Variants in SRGAP2 observed in about 807,000 individuals in gnomAD.
The protein encoded by SRGAP2 is SLIT-ROBO Rho GTPase-activating protein 2.
SRGAP2 carries 15 observed loss-of-function variants against 57.2 expected under a neutral mutation model. The observed-to-expected ratio is 0.26, with a 90% CI of 0.18 to 0.40. The LOEUF is 0.40. SRGAP2 is among the 10% of genes least tolerant of loss of function. SRGAP2 has a pLI of 1.00. For missense variants in SRGAP2, 520 were observed against 669.6 expected, an observed-to-expected ratio of 0.78 and a Z score of 2.47; for synonymous variants, 249 against 248.0, an observed-to-expected ratio of 1.00 and a Z score of -0.04.
At chr1:206,402,917 CAT>C (rs1455192270) in intron 8 of SRGAP2, among the ~76,000 whole-genome samples, 1 of 131,938 alleles carries the variant, frequency 7.6e-6, no homozygotes, top group African/African-American at 2.9e-5. Context: ...AAAACAGCAA[CAT>C]GTGTGCTCCT....
chr1:206,303,892 A>T (rs1553119447), intron 3 of SRGAP2, among the ~76,000 whole-genome samples: 3,655 of 120,262 alleles, frequency 0.03, 24 homozygotes, highest in African/African-American at 0.044. Context: ...TCTCTCTCAC[A>T]CACACACACA....
chr1:206,461,596 TCCCTTC>T lies in SRGAP2; in HGVS notation c.*179_*184del. 1 of 605,002 alleles carries T rather than the reference TCCCTTC, an allele frequency of 1.7e-6. No homozygotes were observed. Among genetic ancestry groups the T allele is most frequent in the South Asian group, 2.2e-5 (1 of 46,464 alleles). The allele number at this position is 605,002 out of a possible 1,614,324, so 37.5% of individuals were successfully genotyped here. ...AGAATGAAGCCCTTGGTATCGCCTC[TCCCTTC>T]CCACTGCCCTCTGCTTCCCCCAGTC... On this transcript the variant is annotated 3_prime_UTR_variant, in exon 23 of 23. Transcript: ENST00000573034.
At chr1:206,341,262 T>G (rs1675166840) in intron 3 of SRGAP2, among the ~76,000 whole-genome samples, 1 of 152,202 alleles carries the variant, frequency 6.6e-6, no homozygotes, top group South Asian at 2.1e-4. Flanking sequence ...CAAGCTACTC[T>G]CAACTCACTT....
intron 4 of SRGAP2, among the ~76,000 whole-genome samples, chr1:206,360,579 G>T (rs1344195080): frequency 6.6e-6 from 1 of 152,182 alleles, no homozygotes; most frequent in African/African-American, 2.4e-5. Flanking sequence ...GAGATGGTGA[G>T]AAGTGGTCAA....
Position 206,416,571 on chromosome 1 carries a change from C to G in SRGAP2, c.1441+598C>G, listed in dbSNP as rs149623131. ...TCTTGTCTCATAGAATGATTTTAAC[C>G]AGACCCTGGAAAGTAGCAAGGCAGA... On this transcript the variant is annotated intron_variant, in intron 11 of 22. Transcript: ENST00000573034. Among the ~76,000 whole-genome samples, 1,170 of 152,290 alleles carry G rather than the reference C, an allele frequency of 7.7e-3. 5 individuals carry two copies. The highest frequency in any genetic ancestry group is 0.01 in the Non-Finnish European group (714 of 68,032).
At chr1:206,259,816 C>A (rs1553313185) in intron 2 of SRGAP2, among the ~76,000 whole-genome samples, 1 of 136,290 alleles carries the variant, frequency 7.3e-6, no homozygotes, top group African/African-American at 2.7e-5. Context: ...ATTGTGGGTT[C>A]TTTTAACCCA....
chr1:206,357,361 TG>T (rs1676516741), intron 4 of SRGAP2, among the ~76,000 whole-genome samples: 1 of 151,144 alleles, frequency 6.6e-6, no homozygotes, highest in Non-Finnish European at 1.5e-5. Context: ...AACATTTTGA[TG>T]TATTTCCTTC....
chr1:206,454,068 T>C lies in SRGAP2; in HGVS notation c.2360+688T>C, dbSNP rs1663598495. On this transcript the variant is annotated intron_variant, in intron 20 of 22. Coordinates refer to ENST00000573034, the MANE Select transcript of SRGAP2 (RefSeq NM_015326.5). This position sits in a 1 kb window ranked among gnomAD's most constrained non-coding sequence, Gnocchi z 4.3. ...CTGCCCCCTGTCCGTTTGCCCTGTC[T>C]CTGTCCCCAGCTCCCCTCCCTTGGA... The C allele has an allele frequency of 1.4e-6, 1 of 701,008 alleles. No individual in the cohort carries two copies. Among genetic ancestry groups the C allele is most frequent in the Non-Finnish European group, 2.6e-6 (1 of 384,152 alleles). The allele number at this position is 701,008 out of a possible 1,614,324, so 43.4% of individuals were successfully genotyped here. A position where few individuals can be genotyped will look rare whatever the true frequency, so the allele number is the denominator to read the frequency against.
chr1:206,416,020 G>A (rs781885905), intron 11 of SRGAP2, 47 bp downstream of exon 11: 1 of 758,134 alleles, frequency 1.3e-6, no homozygotes. Flanking sequence ...GAGGCCAGCT[G>A]GAGCTTTCTT....
At chr1:206,415,434 G>A (rs1572094142) in intron 10 of SRGAP2, among the ~76,000 whole-genome samples, 1 of 152,198 alleles carries the variant, frequency 6.6e-6, no homozygotes, top group African/African-American at 2.4e-5. Flanking sequence ...GCTTGCAGCT[G>A]AGGCAGGGAC....
chr1:206,326,796 A>G (rs1486324705), intron 3 of SRGAP2, among the ~76,000 whole-genome samples: 1 of 152,214 alleles, frequency 6.6e-6, no homozygotes, highest in African/African-American at 2.4e-5. Context: ...TTAAAGTCTC[A>G]GCTGCATTAG....
At chr1:206,385,574 G>C (rs1205900752) in intron 5 of SRGAP2, among the ~76,000 whole-genome samples, 1 of 150,408 alleles carries the variant, frequency 6.6e-6, no homozygotes, top group African/African-American at 2.5e-5. Context: ...TCTTCAGTGG[G>C]ACTCAAGGCA....
At chr1:206,411,473 C>G (rs542241925) in intron 10 of SRGAP2, among the ~76,000 whole-genome samples, 1 of 152,262 alleles carries the variant, frequency 6.6e-6, no homozygotes, top group African/African-American at 2.4e-5. Flanking sequence ...GAGACATGCT[C>G]CATTTAAAGT....
rs782448749 is a variant in SRGAP2, at chr1:206,454,878, C to T, written c.2361C>T (p.Thr787=). 2.9e-5 allele frequency: 22 copies of T among 760,186 alleles called. No homozygotes were observed. Among genetic ancestry groups the T allele is most frequent in the South Asian group, 8.4e-5 (6 of 71,850 alleles). 47.1% of individuals were successfully genotyped at this position (760,186 alleles called of 1,614,324 possible). A position where few individuals can be genotyped will look rare whatever the true frequency, so the allele number is the denominator to read the frequency against. Residue 787 remains threonine, a splice_region_variant and synonymous_variant, in exon 21 of 23, where the codon ACC becomes ACT. Coordinates refer to ENST00000573034, the MANE Select transcript of SRGAP2 (RefSeq NM_015326.5). The surrounding 1 kb of genome is among the most constrained non-coding windows in gnomAD (Gnocchi z 4.3). ...TGCCTGCCTGCCCCTTCTCCCCCAG[C>T]GAGGACGGTGTCGTGGAGAGGTCCA... ...IPHQYIVVQD[T]EDGVVERSSP... is the part of the protein sequence containing the mutation.
intron 7 of SRGAP2, among the ~76,000 whole-genome samples, chr1:206,394,603 C>T (rs557269634): frequency 6.6e-6 from 1 of 152,298 alleles, no homozygotes; most frequent in South Asian, 2.1e-4. Context: ...AATTAGGGTC[C>T]TGTCAGGAAG....
chr1:206,350,947 G>C (rs558296164), intron 4 of SRGAP2, among the ~76,000 whole-genome samples: 5 of 151,878 alleles, frequency 3.3e-5, no homozygotes, highest in Non-Finnish European at 5.9e-5. Flanking sequence ...TAGTGAATCA[G>C]TCACAAGAGA....
intron 2 of SRGAP2, among the ~76,000 whole-genome samples, chr1:206,244,792 C>A (rs1394536099): frequency 6.6e-6 from 1 of 151,992 alleles, no homozygotes; most frequent in Non-Finnish European, 1.5e-5. Flanking sequence ...GCCAGGGCGC[C>A]CCTCTTAGAA....
At chr1:206,424,045 G>C (rs931233835) in intron 13 of SRGAP2, among the ~76,000 whole-genome samples, 3 of 148,760 alleles carry the variant, frequency 2.0e-5, no homozygotes, top group African/African-American at 5.0e-5. Flanking sequence ...CACCTGCCTC[G>C]GCCTCCCAAA....
chr1:206,431,454 A>T (rs1200054962), intron 14 of SRGAP2, among the ~76,000 whole-genome samples: 1 of 152,258 alleles, frequency 6.6e-6, no homozygotes, highest in African/African-American at 2.4e-5. Flanking sequence ...ATTTCACAAG[A>T]TAGTAATGAT....
Sources: gnomAD v4.1 joint callset for allele counts (sites outside exome capture counted in the v4.1 genomes callset) on GRCh38, gnomAD v4.1.1 for gene constraint, Gnocchi (gnomAD v3.1) non-coding constraint, MANE v1.5 for transcripts, NCBI Gene and HGNC (gene_info 2026-07-23, HGNC 2026-07-21) for gene names.